Variants in NUTM2B observed in about 807,000 individuals in gnomAD.
The protein encoded by NUTM2B is NUT family member 2B.
A neutral mutation model predicts 42.4 loss-of-function variants in NUTM2B; 2 were observed. The ratio of observed to expected loss-of-function variants is 0.05; its 90% CI spans 0.02 to 0.15. The LOEUF is 0.15. Ranked by LOEUF, NUTM2B falls within the 10% of genes least tolerant of loss-of-function variation. The probability of loss-of-function intolerance (pLI) is 1.00; values close to 1 mark genes in which losing one functional copy is unlikely to be tolerated. For synonymous variants in NUTM2B, 18 were observed against 402.4 expected, an observed-to-expected ratio of 0.04 and a Z score of 11.43; for missense variants, 58 against 952.6, an observed-to-expected ratio of 0.06 and a Z score of 12.36.
At chr10:79,693,948 G>A in the NUTM2B span, among the ~76,000 whole-genome samples, 4 of 152,344 alleles carry the variant, frequency 2.6e-5, no homozygotes, top group Non-Finnish European at 4.4e-5. Flanking sequence ...GGCGACTCCC[G>A]GTAAGGAGCA....
At chr10:79,709,627 G>A (rs374714980) in intron 3 of NUTM2B, among the ~76,000 whole-genome samples, 173 bp from the exon 4 acceptor site, 2 of 132,956 alleles carry the variant, frequency 1.5e-5, no homozygotes, top group African/African-American at 2.9e-5. Context: ...GAGGGAGGGT[G>A]AGCCCGGAAC....
chr10:79,706,903 C>T (rs1464215162), intron 2 of NUTM2B, among the ~76,000 whole-genome samples, 162 bp downstream of exon 2: 5 of 109,430 alleles, frequency 4.6e-5, no homozygotes, highest in Non-Finnish European at 6.9e-5. Context: ...AATCTGGCTG[C>T]GGCTCAGGAC....
upstream of NUTM2B, among the ~76,000 whole-genome samples, chr10:79,700,162 G>A (rs1840286527): frequency 6.6e-6 from 1 of 152,264 alleles, no homozygotes; most frequent in South Asian, 2.1e-4. Context: ...CTAAAGGACT[G>A]TTCTTCCACT....
At chr10:79,697,837 T>C in the NUTM2B span, among the ~76,000 whole-genome samples, 3 of 148,288 alleles carry the variant, frequency 2.0e-5, no homozygotes, top group Non-Finnish European at 4.5e-5. Flanking sequence ...GAATCCATGA[T>C]TCTTGAATCC....
chr10:79,698,853 G>A (rs964114275), upstream of NUTM2B, among the ~76,000 whole-genome samples: 2 of 150,594 alleles, frequency 1.3e-5, no homozygotes, highest in Non-Finnish European at 3.0e-5. Context: ...ATATACCCGC[G>A]ATTAACTAAC....
At chr10:79,699,512 GGCTCATT>G (rs1393053492), upstream of NUTM2B, among the ~76,000 whole-genome samples, 2 of 152,196 alleles carry the variant, frequency 1.3e-5, no homozygotes, top group Non-Finnish European at 2.9e-5. Flanking sequence ...GCACGATCTG[GGCTCATT>G]GCAAACTCCG....
chr10:79,696,720 C>T, the NUTM2B span, among the ~76,000 whole-genome samples: 1 of 152,240 alleles, frequency 6.6e-6, no homozygotes, highest in African/African-American at 2.4e-5. Flanking sequence ...GAAAAACACA[C>T]CCTTGGGTAG....
chr10:79,696,151 GC>G, the NUTM2B span, among the ~76,000 whole-genome samples: 1 of 147,046 alleles, frequency 6.8e-6, no homozygotes, highest in Non-Finnish European at 1.5e-5. Flanking sequence ...CACACACACC[GC>G]CCCCCACCCC....
At chr10:79,701,312 G>C (rs1456679537), upstream of NUTM2B, among the ~76,000 whole-genome samples, 2 of 152,018 alleles carry the variant, frequency 1.3e-5, no homozygotes, top group Non-Finnish European at 2.9e-5. Context: ...TTGTAGCCTT[G>C]ATCAATTTCA....
chr10:79,707,464 G>A (rs1395593770), intron 2 of NUTM2B, among the ~76,000 whole-genome samples: 4 of 127,088 alleles, frequency 3.1e-5, no homozygotes, highest in African/African-American at 1.3e-4. Context: ...CCATCTAGGA[G>A]AGCACTCCCC....
At chr10:79,696,233 T>C in the NUTM2B span, among the ~76,000 whole-genome samples, 36,339 of 146,800 alleles carry the variant, frequency 0.25, 5,218 homozygotes, top group East Asian at 0.68. Flanking sequence ...ATTGTGATGC[T>C]TAAGTGGTGT....
chr10:79,700,773 G>A (rs1260874434), upstream of NUTM2B, among the ~76,000 whole-genome samples: 1 of 152,318 alleles, frequency 6.6e-6, no homozygotes, highest in East Asian at 1.9e-4. Flanking sequence ...GAGGGCGGCC[G>A]GCCTCGCGCT....
the NUTM2B span, among the ~76,000 whole-genome samples, chr10:79,697,645 T>C: frequency 6.6e-6 from 1 of 152,232 alleles, no homozygotes; most frequent in Non-Finnish European, 1.5e-5. Flanking sequence ...TGGAATCAAA[T>C]TTCTATTTTT....
upstream of NUTM2B, among the ~76,000 whole-genome samples, chr10:79,700,181 GCTC>G (rs1251220126): frequency 6.6e-6 from 1 of 152,250 alleles, no homozygotes; most frequent in African/African-American, 2.4e-5. Flanking sequence ...CTTTGCAGCT[GCTC>G]CTATCAGTGA....
At chr10:79,699,129 A>G (rs991686082), upstream of NUTM2B, among the ~76,000 whole-genome samples, 5 of 151,956 alleles carry the variant, frequency 3.3e-5, no homozygotes, top group African/African-American at 1.2e-4. Flanking sequence ...TCACCATGCA[A>G]CATGCCCTGA....
At chr10:79,705,108 A>G (rs1840364056) in intron 1 of NUTM2B, among the ~76,000 whole-genome samples, 1 of 128,236 alleles carries the variant, frequency 7.8e-6, no homozygotes, top group Non-Finnish European at 1.6e-5. Context: ...GTTGGTCACT[A>G]TGTTCAGTTA....
chr10:79,693,035 C>G, the NUTM2B span, among the ~76,000 whole-genome samples: 8 of 152,176 alleles, frequency 5.3e-5, no homozygotes. Context: ...TTCATATGCG[C>G]TGACATGCCC....
At chr10:79,695,414 A>T in the NUTM2B span, among the ~76,000 whole-genome samples, 2 of 152,196 alleles carry the variant, frequency 1.3e-5, no homozygotes, top group South Asian at 4.1e-4. Flanking sequence ...CCCTCTTTTT[A>T]CCAAGACTCC....
the NUTM2B span, among the ~76,000 whole-genome samples, chr10:79,693,580 G>A: frequency 6.6e-6 from 1 of 152,182 alleles, no homozygotes; most frequent in Admixed American, 6.5e-5. Context: ...CAACCTGCAT[G>A]GGAAATTTTC....
Sources: allele counts gnomAD v4.1 joint callset (sites outside exome capture counted in the v4.1 genomes callset), GRCh38; gene constraint gnomAD v4.1.1; transcripts MANE v1.5; gene names NCBI Gene and HGNC (gene_info 2026-07-23, HGNC 2026-07-21).